The following CCDC68 variants were observed in gnomAD, a reference collection of about 807,000 sequenced individuals.
CCDC68 encodes coiled-coil domain-containing protein 68.
In CCDC68, 45 loss-of-function variants were observed where a neutral mutation model predicts 47.1. The ratio of observed to expected loss-of-function variants is 0.96; its 90% CI spans 0.75 to 1.23. The LOEUF (loss-of-function observed/expected upper bound fraction) is 1.23. CCDC68 is among the 50% of genes most tolerant of loss of function. The pLI, the probability that CCDC68 is intolerant of heterozygous loss-of-function variation, is 0.00. For missense variants in CCDC68, 353 were observed against 373.6 expected, an observed-to-expected ratio of 0.94 and a Z score of 0.45; for synonymous variants, 131 against 129.5, an observed-to-expected ratio of 1.01 and a Z score of -0.08.
Position 54,924,111 on chromosome 18 carries a change from A to G in CCDC68, c.683+4689T>C, listed in dbSNP as rs114098914. 7.9e-3 allele frequency among the ~76,000 whole-genome samples: 1,201 copies of G among 152,326 alleles called. 9 individuals are homozygous for G. The highest frequency in any genetic ancestry group is 0.031 in the Middle Eastern group (9 of 294). On this transcript the variant is annotated intron_variant, in intron 8 of 11. Coordinates refer to ENST00000591504, the MANE Select transcript of CCDC68 (RefSeq NM_025214.3). ...ATCTGGGATTCATGCTCTGCCTTCC[A>G]ATGTCTCAACATAATTTTTGATCAT...
chr18:54,928,702 T>A (rs968783263), intron 8 of CCDC68, 98 bp downstream of exon 8: 12 of 743,756 alleles, frequency 1.6e-5, no homozygotes, highest in Non-Finnish European at 2.8e-5. Context: ...TCATCCTATT[T>A]CTTTGGGGGA....
intron 11 of CCDC68, 49 bp from the exon 12 acceptor site, chr18:54,904,464 G>A: frequency 6.9e-7 from 1 of 1,449,646 alleles, no homozygotes; most frequent in Non-Finnish European, 9.7e-7. Context: ...TTAAACTCTA[G>A]TGATTATGGC....
In CCDC68 at chr18:54,942,582, G is replaced by A. The variant is rs948043672; in HGVS notation, c.117+93C>T. On this transcript the variant is annotated intron_variant, in intron 3 of 11. Coordinates refer to ENST00000591504, the MANE Select transcript of CCDC68 (RefSeq NM_025214.3). ...AAACTAGGGTTGTTCCTTTACATAT[G>A]TTCTATGGAGAGGGAAACAAAATCC... 5.3e-6 allele frequency: 4 copies of A among 751,760 alleles called. No individual in the cohort carries two copies. In the Admixed American group the frequency reaches 7.3e-5, roughly 14 times the overall value. The allele number at this position is 751,760 out of a possible 1,614,324, so 46.6% of individuals were successfully genotyped here. A position where few individuals can be genotyped will look rare whatever the true frequency, so the allele number is the denominator to read the frequency against.
chr18:54,955,955 C>T (rs948687556), intron 1 of CCDC68, among the ~76,000 whole-genome samples: 1 of 151,314 alleles, frequency 6.6e-6, no homozygotes, highest in Non-Finnish European at 1.5e-5. Flanking sequence ...AACTCCTGAC[C>T]TCAGGTGATC....
intron 7 of CCDC68, among the ~76,000 whole-genome samples, chr18:54,930,663 CTTCCTTCCT>C (rs2044235662): frequency 3.0e-5 from 1 of 33,468 alleles, no homozygotes; most frequent in Admixed American, 2.9e-4. Context: ...CCCTTCCTTC[CTTCCTTCCT>C]TCCCTCCCTC....
chr18:54,931,303 A>G (rs2044256550), intron 7 of CCDC68, among the ~76,000 whole-genome samples: 1 of 152,136 alleles, frequency 6.6e-6, no homozygotes, highest in Non-Finnish European at 1.5e-5. Flanking sequence ...TTCTCAGGCA[A>G]TGTCTTCAGG....
chr18:54,907,924 T>C, intron 10 of CCDC68, 62 bp from the exon 11 acceptor site: 1 of 933,668 alleles, frequency 1.1e-6, no homozygotes, highest in Non-Finnish European at 1.8e-6. Context: ...ACACCCTCAA[T>C]GCTTCTATTC....
intron 6 of CCDC68, among the ~76,000 whole-genome samples, chr18:54,935,299 A>G (rs1350730273): frequency 6.6e-6 from 1 of 152,240 alleles, no homozygotes; most frequent in Non-Finnish European, 1.5e-5. Flanking sequence ...TTACATGTTC[A>G]ATTAAAACAC....
In CCDC68 at chr18:54,957,625, A is replaced by ACTCTCT. The variant is rs773661012; in HGVS notation, c.-103+1710_-103+1711insAGAGAG. Reference sequence around the variant, plus strand: ...TAAAACAATGTACACACACACACACACACTCTCTCTCTCTCTCTCTCTCTC... The same window carrying ACTCTCT: ...TAAAACAATGTACACACACACACACACTCTCTCACTCTCTCTCTCTCTCTCTCTCTC... On this transcript the variant is annotated intron_variant, in intron 1 of 11. Transcript: ENST00000591504. Among the ~76,000 whole-genome samples, 1,251 of 133,430 alleles carry ACTCTCT rather than the reference A, an allele frequency of 9.4e-3. 11 individuals carry two copies. Among genetic ancestry groups the ACTCTCT allele is most frequent in the East Asian group, 0.027 (120 of 4,476 alleles). The allele number at this position is 133,430 out of a possible 152,430, so 87.5% of individuals were successfully genotyped here.
chr18:54,944,648 C>G (rs1431643480), intron 2 of CCDC68, among the ~76,000 whole-genome samples: 2 of 152,144 alleles, frequency 1.3e-5, no homozygotes, highest in African/African-American at 4.8e-5. Context: ...AAAAAAGAAA[C>G]AAGCATGTAT....
chr18:54,936,271 T>A (rs550458122), intron 6 of CCDC68, among the ~76,000 whole-genome samples: 3,815 of 145,380 alleles, frequency 0.026, 123 homozygotes, highest in African/African-American at 0.078. Context: ...AAATATATAG[T>A]TATATATTTT....
At chr18:54,938,697 A>G (rs1040835957) in intron 4 of CCDC68, among the ~76,000 whole-genome samples, 2 of 152,258 alleles carry the variant, frequency 1.3e-5, no homozygotes, top group Non-Finnish European at 2.9e-5. Context: ...TAAACTGTCC[A>G]TTTTACAGAT....
At chr18:54,917,450 C>G (rs2043973645) in intron 10 of CCDC68, among the ~76,000 whole-genome samples, 1 of 152,098 alleles carries the variant, frequency 6.6e-6, no homozygotes, top group Admixed American at 6.6e-5. Flanking sequence ...TCATCTGCCT[C>G]TCCATTACAG....
chr18:54,938,876 A>G (rs1044980015), intron 4 of CCDC68, among the ~76,000 whole-genome samples: 2 of 152,224 alleles, frequency 1.3e-5, no homozygotes, highest in African/African-American at 4.8e-5. Context: ...AACAGCTTCT[A>G]TTTGTTAAAC....
At chr18:54,922,376 G>C (rs557761543) in intron 8 of CCDC68, among the ~76,000 whole-genome samples, 1 of 152,294 alleles carries the variant, frequency 6.6e-6, no homozygotes, top group East Asian at 1.9e-4. Context: ...AGAATCTTCA[G>C]GGGCAGGATG....
intron 8 of CCDC68, among the ~76,000 whole-genome samples, chr18:54,926,663 T>C (rs528428005): frequency 1.3e-5 from 2 of 152,344 alleles, no homozygotes; most frequent in African/African-American, 4.8e-5. Flanking sequence ...TTTTTGCTAG[T>C]CGTCACTCAG....
At position 54,903,976 on chromosome 18, in the gene CCDC68, T is replaced by C. The variant is rs9966978; in HGVS notation, c.*382A>G. On this transcript the variant is annotated 3_prime_UTR_variant, in exon 12 of 12. Transcript: ENST00000591504. The stretch of plus-strand genomic sequence containing the variant: ...GGAAATGTATGTTCATTCATACACA[T>C]ATACACTCTCCCTTCTATTTATACT... The C allele has an allele frequency of 0.013, 2,366 of 188,604 alleles. 59 individuals are homozygous for C. The highest frequency in any genetic ancestry group is 0.053 in the African/African-American group (2,237 of 42,020). 11.7% of individuals were successfully genotyped at this position (188,604 alleles called of 1,614,324 possible).
intron 6 of CCDC68, among the ~76,000 whole-genome samples, 157 bp from the exon 7 acceptor site, chr18:54,935,105 C>A (rs2044322115): frequency 6.6e-6 from 1 of 152,110 alleles, no homozygotes; most frequent in Non-Finnish European, 1.5e-5. Flanking sequence ...TTCAAAATAA[C>A]CCTGATAGAC....
chr18:54,905,531 G>A (rs1913952763), intron 11 of CCDC68, among the ~76,000 whole-genome samples: 1 of 151,288 alleles, frequency 6.6e-6, no homozygotes, highest in South Asian at 2.1e-4. Context: ...AAATTTTTAT[G>A]TGTACATAAT....
Sources: allele counts gnomAD v4.1 joint callset (sites outside exome capture counted in the v4.1 genomes callset), GRCh38; gene constraint gnomAD v4.1.1; transcripts MANE v1.5; gene names NCBI Gene and HGNC (gene_info 2026-07-23, HGNC 2026-07-21).